The following COL10A1 variants were observed in gnomAD, a reference collection of about 807,000 sequenced individuals.
COL10A1 encodes the protein collagen type X alpha 1 chain, also known as collagen alpha-1(X) chain.
A neutral mutation model predicts 18.2 loss-of-function variants in COL10A1; 10 were observed. The observed-to-expected ratio is 0.55, with a 90% CI of 0.34 to 0.93. COL10A1 has a LOEUF of 0.93. Among genes scored for constraint, COL10A1 ranks in the 40% least tolerant of loss-of-function variants. The pLI is 0.02. For synonymous variants in COL10A1, 330 were observed against 316.6 expected, an observed-to-expected ratio of 1.04 and a Z score of -0.45; for missense variants, 897 against 853.5, an observed-to-expected ratio of 1.05 and a Z score of -0.64.
At chr6:116,181,133 A>C in the COL10A1 span, among the ~76,000 whole-genome samples, 1 of 152,066 alleles carries the variant, frequency 6.6e-6, no homozygotes, top group Admixed American at 6.6e-5. Context: ...TAATTATTGA[A>C]GTCGAGTGAT....
intron 1 of COL10A1, among the ~76,000 whole-genome samples, chr6:116,146,409 C>G (rs1779898494): frequency 6.6e-6 from 1 of 152,116 alleles, no homozygotes; most frequent in Non-Finnish European, 1.5e-5. Flanking sequence ...AGGAATTTCT[C>G]AGAAGCTCCA....
rs527775922 is a variant in COL10A1, at chr6:116,136,538, C to T, written c.-15-11031G>A. On this transcript the variant is annotated intron_variant, in intron 1 of 1. Coordinates refer to the COL10A1 transcript ENST00000418500. ...CATCCAAGGTCATTTAGCTGGTAGG[C>T]GGCAGAACTGGGGTTTGAACCCAAG... Among the ~76,000 whole-genome samples, 37 of 152,072 alleles carry T rather than the reference C, an allele frequency of 2.4e-4. No homozygotes were observed. The South Asian group carries it at 4.2e-3, about 17-fold the overall frequency.
intron 1 of COL10A1, among the ~76,000 whole-genome samples, chr6:116,138,389 T>A (rs1016280270): frequency 5.3e-5 from 8 of 152,168 alleles, no homozygotes; most frequent in Non-Finnish European, 7.3e-5. Context: ...GGCTATTCCT[T>A]GTTAAGATTT....
chr6:116,192,104 C>CTTAATTAT, the COL10A1 span, among the ~76,000 whole-genome samples: 1 of 151,880 alleles, frequency 6.6e-6, no homozygotes, highest in Non-Finnish European at 1.5e-5. Context: ...GTCATGTGGA[C>CTTAATTAT]TTAATTAGGT....
At chr6:116,131,553 T>A (rs1779465926) in intron 1 of COL10A1, among the ~76,000 whole-genome samples, 1 of 152,214 alleles carries the variant, frequency 6.6e-6, no homozygotes, top group Admixed American at 6.5e-5. Context: ...TGTGTAAAGA[T>A]GGTCTGCATT....
the COL10A1 span, among the ~76,000 whole-genome samples, chr6:116,172,314 TAA>T: frequency 7.1e-6 from 1 of 140,064 alleles, no homozygotes; most frequent in Non-Finnish European, 1.5e-5. Flanking sequence ...AACCCCTTAG[TAA>T]CTTTTTTTTT....
At chr6:116,178,637 A>C in the COL10A1 span, among the ~76,000 whole-genome samples, 1 of 152,248 alleles carries the variant, frequency 6.6e-6, no homozygotes, top group Non-Finnish European at 1.5e-5. Context: ...GTCAGTGCAA[A>C]GAACTATAGT....
chr6:116,182,237 G>GTGTGTGTGTGTGTA, the COL10A1 span, among the ~76,000 whole-genome samples: 1 of 151,582 alleles, frequency 6.6e-6, no homozygotes, highest in Admixed American at 6.6e-5. Flanking sequence ...GTGTGTGTGT[G>GTGTGTGTGTGTGTA]TGTGTGTGTG....
At position 116,121,595 on chromosome 6, in the gene COL10A1, C is replaced by T; in HGVS notation, c.521G>A (p.Gly174Glu). Residue 174 changes from glycine to glutamate, a missense_variant, in exon 3 of 3, where the codon GGA (glycine) becomes GAA (glutamate). Physicochemically the swap from Gly to Glu is moderately conservative, Grantham distance 98. Transcript: ENST00000651968. Reference protein sequence around the residue: ...TGAPGPRGFPGEKGAPGVPGM... With the variant: ...TGAPGPRGFPEEKGAPGVPGM... ...AGGGACTCCTGGTGCACCCTTTTCT[C>T]CAGGAAAGCCCCTGGGTCCTGGGGC... 6.2e-7 allele frequency: 1 copy of T among 1,614,098 alleles called. No individual in the cohort carries two copies. The highest frequency in any genetic ancestry group is 1.1e-5 in the South Asian group (1 of 91,068).
the COL10A1 span, among the ~76,000 whole-genome samples, chr6:116,214,351 A>C: frequency 2.0e-5 from 3 of 152,170 alleles, no homozygotes; most frequent in Non-Finnish European, 4.4e-5. Context: ...TTTTTACTTA[A>C]AATGTTTTTA....
At chr6:116,170,458 C>G in the COL10A1 span, among the ~76,000 whole-genome samples, 1 of 152,222 alleles carries the variant, frequency 6.6e-6, no homozygotes, top group Non-Finnish European at 1.5e-5. Context: ...AGGTTCATAG[C>G]CACCATTTTC....
chr6:116,182,789 C>A, the COL10A1 span, among the ~76,000 whole-genome samples: 35 of 152,036 alleles, frequency 2.3e-4, no homozygotes, highest in South Asian at 7.3e-3. Flanking sequence ...GATATTACTC[C>A]TTTGTTGGAT....
At chr6:116,204,751 A>C in the COL10A1 span, among the ~76,000 whole-genome samples, 85 of 152,138 alleles carry the variant, frequency 5.6e-4, no homozygotes, top group Admixed American at 1.8e-3. Flanking sequence ...GTTAAAAAGA[A>C]TGAAGCGTTT....
At chr6:116,197,488 C>T in the COL10A1 span, among the ~76,000 whole-genome samples, 44 of 152,150 alleles carry the variant, frequency 2.9e-4, 1 homozygote, top group African/African-American at 9.6e-4. Context: ...CCACCTTTTA[C>T]CTCTGCCACC....
chr6:116,131,123 A>G (rs938085901), upstream of COL10A1, among the ~76,000 whole-genome samples: 2 of 152,182 alleles, frequency 1.3e-5, no homozygotes, highest in Non-Finnish European at 2.9e-5. Context: ...ATGTTTAACA[A>G]CCAACCTGAG....
At chr6:116,176,014 T>C in the COL10A1 span, among the ~76,000 whole-genome samples, 1 of 152,312 alleles carries the variant, frequency 6.6e-6, no homozygotes, top group East Asian at 1.9e-4. Context: ...TGCTGGACAT[T>C]GTGTGAACAT....
chr6:116,208,931 C>T, the COL10A1 span, among the ~76,000 whole-genome samples: 1 of 151,948 alleles, frequency 6.6e-6, no homozygotes, highest in East Asian at 1.9e-4. Context: ...TACATCATGG[C>T]TGGGGATCCA....
At chr6:116,136,237 G>A (rs575935307) in intron 1 of COL10A1, among the ~76,000 whole-genome samples, 2 of 152,028 alleles carry the variant, frequency 1.3e-5, no homozygotes, top group South Asian at 2.1e-4. Context: ...TGTGTTCTAG[G>A]TTCATCCATG....
chr6:116,181,400 AAAT>A, the COL10A1 span, among the ~76,000 whole-genome samples: 1 of 152,138 alleles, frequency 6.6e-6, no homozygotes, highest in Non-Finnish European at 1.5e-5. Flanking sequence ...TGATATTAGC[AAAT>A]AATTTATGAT....
Sources: allele counts gnomAD v4.1 joint callset (sites outside exome capture counted in the v4.1 genomes callset), GRCh38; gene constraint gnomAD v4.1.1; transcripts MANE v1.5; gene names NCBI Gene and HGNC (gene_info 2026-07-23, HGNC 2026-07-21).